HS3ST4: variants seen among roughly 807,000 people sequenced by gnomAD.
HS3ST4 encodes heparan sulfate glucosamine 3-O-sulfotransferase 4.
In HS3ST4, 17 loss-of-function variants were observed where a neutral mutation model predicts 29.2. That is an observed-to-expected ratio of 0.58 (90% CI 0.40 to 0.87). The LOEUF (loss-of-function observed/expected upper bound fraction) is 0.87, where lower values mean the gene tolerates loss of function less well. HS3ST4 is among the 40% of genes least tolerant of loss of function. The pLI, the probability that HS3ST4 is intolerant of heterozygous loss-of-function variation, is 0.00. For synonymous variants in HS3ST4, 314 were observed against 285.7 expected, an observed-to-expected ratio of 1.10 and a Z score of -1.00; for missense variants, 627 against 634.5, an observed-to-expected ratio of 0.99 and a Z score of 0.13.
At chr16:26,043,864 C>G (rs1320267676) in intron 1 of HS3ST4, among the ~76,000 whole-genome samples, 2 of 152,318 alleles carry the variant, frequency 1.3e-5, no homozygotes, top group East Asian at 3.9e-4. Context: ...CTTTCAAATT[C>G]TGCCTCCCCC....
intron 1 of HS3ST4, among the ~76,000 whole-genome samples, chr16:25,977,708 A>G (rs1180861502): frequency 6.6e-6 from 1 of 152,204 alleles, no homozygotes; most frequent in Non-Finnish European, 1.5e-5. Context: ...GTCCCAAGAT[A>G]CTTGGCCTAT....
intron 1 of HS3ST4, among the ~76,000 whole-genome samples, chr16:25,922,366 C>G (rs908179227): frequency 7.9e-5 from 12 of 152,180 alleles, no homozygotes; most frequent in South Asian, 2.1e-4. Flanking sequence ...TGTGAGAACA[C>G]AGCAAGAAAA....
intron 1 of HS3ST4, among the ~76,000 whole-genome samples, chr16:25,813,252 C>A (rs1967059871): frequency 6.6e-6 from 1 of 152,158 alleles, no homozygotes. Context: ...CATTCTACAG[C>A]CACTAAAATG....
At chr16:26,096,877 C>T (rs1239390002) in intron 1 of HS3ST4, among the ~76,000 whole-genome samples, 1 of 152,204 alleles carries the variant, frequency 6.6e-6, no homozygotes, top group East Asian at 1.9e-4. Context: ...TAAGCAACTT[C>T]AGCAAAGTCT....
intron 1 of HS3ST4, chr16:25,933,274 C>A: frequency 2.2e-6 from 1 of 453,402 alleles, no homozygotes; most frequent in Non-Finnish European, 4.4e-6. Context: ...TATTGATTGG[C>A]TGCCGAGAGG....
At chr16:25,900,953 C>T (rs1287393116) in intron 1 of HS3ST4, among the ~76,000 whole-genome samples, 2 of 152,134 alleles carry the variant, frequency 1.3e-5, no homozygotes, top group Admixed American at 6.5e-5. Context: ...CTTGAGAAGC[C>T]GCCATGATAC....
intron 1 of HS3ST4, among the ~76,000 whole-genome samples, chr16:26,009,597 G>T (rs971048182): frequency 6.6e-6 from 1 of 152,186 alleles, no homozygotes; most frequent in African/African-American, 2.4e-5. Flanking sequence ...CCTTACTCGG[G>T]TGTGCAGGTG....
intron 1 of HS3ST4, among the ~76,000 whole-genome samples, chr16:25,840,471 C>T (rs1218802727): frequency 2.0e-5 from 3 of 152,182 alleles, no homozygotes; most frequent in Non-Finnish European, 4.4e-5. Context: ...TTATTTTACT[C>T]CTAATATCAA....
chr16:25,797,903 A>AG (rs1384667618), intron 1 of HS3ST4, among the ~76,000 whole-genome samples: 1 of 152,204 alleles, frequency 6.6e-6, no homozygotes, highest in Non-Finnish European at 1.5e-5. Context: ...CTGTGTGTGA[A>AG]GGCTGGCTTC....
intron 1 of HS3ST4, among the ~76,000 whole-genome samples, chr16:26,067,927 T>C (rs1438422210): frequency 6.6e-6 from 1 of 152,180 alleles, no homozygotes; most frequent in Non-Finnish European, 1.5e-5. Flanking sequence ...TCCTTTGCCT[T>C]CCACCATGAT....
At chr16:25,814,954 T>A (rs1187179891) in intron 1 of HS3ST4, among the ~76,000 whole-genome samples, 1 of 152,190 alleles carries the variant, frequency 6.6e-6, no homozygotes, top group Non-Finnish European at 1.5e-5. Flanking sequence ...TCAGGACTAG[T>A]GCATTTGTCT....
chr16:26,072,418 C>T (rs377507792), intron 1 of HS3ST4, among the ~76,000 whole-genome samples: 14 of 152,184 alleles, frequency 9.2e-5, no homozygotes, highest in African/African-American at 3.4e-4. Context: ...AGAATTGGTA[C>T]CCAGCATCAG....
At chr16:26,033,964 T>G (rs946269870) in intron 1 of HS3ST4, among the ~76,000 whole-genome samples, 3 of 152,166 alleles carry the variant, frequency 2.0e-5, no homozygotes, top group Admixed American at 1.3e-4. Flanking sequence ...ACTTTGCATA[T>G]AGTATTGCTT....
intron 1 of HS3ST4, among the ~76,000 whole-genome samples, chr16:25,727,268 A>G (rs1421113508): frequency 6.6e-6 from 1 of 152,184 alleles, no homozygotes; most frequent in Non-Finnish European, 1.5e-5. Context: ...ACATTATGGC[A>G]TATCTGCAGA....
At chr16:26,020,641 T>C (rs947132794) in intron 1 of HS3ST4, among the ~76,000 whole-genome samples, 1 of 152,180 alleles carries the variant, frequency 6.6e-6, no homozygotes, top group Non-Finnish European at 1.5e-5. Context: ...GAACCTCTCA[T>C]GTCATGATTA....
intron 1 of HS3ST4, among the ~76,000 whole-genome samples, chr16:25,991,885 G>T (rs1354157186): frequency 1.3e-5 from 2 of 151,842 alleles, no homozygotes; most frequent in Admixed American, 1.3e-4. Context: ...GCCGGGCGTG[G>T]TGGTGGGTGC....
chr16:25,828,124 C>T lies in HS3ST4; in HGVS notation c.734+134973C>T, dbSNP rs185382851. Among the ~76,000 whole-genome samples the T allele has an allele frequency of 3.9e-3, 575 of 149,184 alleles. 2 individuals carry two copies. Among genetic ancestry groups the T allele is most frequent in the Non-Finnish European group, 6.5e-3 (436 of 67,506 alleles). On this transcript the variant is annotated intron_variant, in intron 1 of 1. Transcript: ENST00000331351. Reference sequence around the variant, plus strand: ...AAAGCATAGTACCTCATAAGCAGCCCTTCCCTCCCTCCCTCCCTCCCTTCT... The same window carrying T: ...AAAGCATAGTACCTCATAAGCAGCCTTTCCCTCCCTCCCTCCCTCCCTTCT...
intron 1 of HS3ST4, among the ~76,000 whole-genome samples, chr16:25,808,419 T>G (rs1967009601): frequency 6.6e-6 from 1 of 152,228 alleles, no homozygotes; most frequent in Non-Finnish European, 1.5e-5. Context: ...TTGATACTTT[T>G]GTCAAAAATT....
At chr16:25,885,766 C>T (rs1967943302) in intron 1 of HS3ST4, among the ~76,000 whole-genome samples, 1 of 151,700 alleles carries the variant, frequency 6.6e-6, no homozygotes, top group African/African-American at 2.4e-5. Flanking sequence ...TTTAGTTTGA[C>T]TCTGCACTTA....
Sources: gnomAD v4.1 joint callset for allele counts (sites outside exome capture counted in the v4.1 genomes callset) on GRCh38, gnomAD v4.1.1 for gene constraint, MANE v1.5 for transcripts, NCBI Gene and HGNC (gene_info 2026-07-23, HGNC 2026-07-21) for gene names.